PRR11: variants seen among roughly 807,000 people sequenced by gnomAD.
PRR11 encodes proline-rich protein 11.
In PRR11, 30 loss-of-function variants were observed where a neutral mutation model predicts 45.6. The observed-to-expected ratio is 0.66, with a 90% confidence interval of 0.49 to 0.89. The LOEUF (loss-of-function observed/expected upper bound fraction) is 0.89. Ranked by LOEUF, PRR11 falls within the 40% of genes least tolerant of loss-of-function variation. The probability of loss-of-function intolerance (pLI) is 0.00; values close to 1 mark genes in which losing one functional copy is unlikely to be tolerated. For synonymous variants in PRR11, 128 were observed against 153.5 expected (o/e 0.83, Z 1.23); for missense variants, 373 against 424.8 (o/e 0.88, Z 1.07).
At chr17:59,173,954 C>T (rs1464369654) in intron 2 of PRR11, among the ~76,000 whole-genome samples, 5 of 152,152 alleles carry the variant, frequency 3.3e-5, no homozygotes, top group Non-Finnish European at 7.4e-5. Flanking sequence ...TTAAAGGAGG[C>T]GGCTCTCTAG....
chr17:59,204,560 T>C lies in PRR11; in HGVS notation c.*2929T>C, dbSNP rs12449518. The stretch of plus-strand genomic sequence containing the variant: ...CTACCAAAAATAAAAATAAAAATTA[T>C]CCAGGCGTGGTGGCATGTGCCTATA... On this transcript the variant is annotated 3_prime_UTR_variant, in exon 10 of 10. Transcript: ENST00000262293. 28,272 of 151,178 alleles carry C rather than the reference T, an allele frequency of 0.19. 2,709 individuals are homozygous for C. Among genetic ancestry groups the C allele is most frequent in the East Asian group, 0.27 (1,398 of 5,114 alleles). The allele number at this position is 151,178 out of a possible 1,614,324, so 9.4% of individuals were successfully genotyped here.
intron 2 of PRR11, chr17:59,181,536 G>C: frequency 5.9e-6 from 7 of 1,190,026 alleles, no homozygotes; most frequent in Non-Finnish European, 8.4e-6. Context: ...AGTCCTCATG[G>C]TGCTCAGGGA....
chr17:59,186,381 A>ATTTTTTTTTTT (rs59082405), intron 4 of PRR11, among the ~76,000 whole-genome samples: 3 of 84,664 alleles, frequency 3.5e-5, no homozygotes, highest in African/African-American at 8.5e-5. Flanking sequence ...GCTGTTTGTA[A>ATTTTTTTTTTT]TTTTTTTTTT....
At chr17:59,193,797 A>G in intron 5 of PRR11, 63 bp downstream of exon 5, 1 of 1,547,174 alleles carries the variant, frequency 6.5e-7, no homozygotes, top group Non-Finnish European at 8.8e-7. Context: ...ATATAGGAGT[A>G]AAGCCAAGTG....
At chr17:59,174,816 C>T (rs2046733826) in intron 2 of PRR11, among the ~76,000 whole-genome samples, 1 of 152,136 alleles carries the variant, frequency 6.6e-6, no homozygotes, top group Admixed American at 6.6e-5. Context: ...ACACCCAGTG[C>T]TCTGGGTTAT....
intron 9 of PRR11, 141 bp downstream of exon 9, chr17:59,197,930 A>G (rs1232059068): frequency 1.5e-6 from 1 of 688,154 alleles, no homozygotes; most frequent in Non-Finnish European, 2.5e-6. Flanking sequence ...GATGGGCAAC[A>G]TGGTGAAACT....
chr17:59,194,429 G>A (rs759040456), intron 5 of PRR11, among the ~76,000 whole-genome samples: 1 of 152,050 alleles, frequency 6.6e-6, no homozygotes, highest in South Asian at 2.1e-4. Context: ...ACTTTAACCC[G>A]ATTAACTCCT....
intron 4 of PRR11, among the ~76,000 whole-genome samples, chr17:59,187,700 A>G (rs1421940560): frequency 1.4e-4 from 21 of 151,786 alleles, no homozygotes. Context: ...CCCTGTCTCT[A>G]CTAAAAATAC....
At position 59,174,995 on chromosome 17, in the gene PRR11, G is replaced by T. The variant is rs974522324; in HGVS notation, c.128+5115G>T. On this transcript the variant is annotated intron_variant, in intron 2 of 9. Coordinates refer to ENST00000262293, the MANE Select transcript of PRR11 (RefSeq NM_018304.4). Reference sequence around the variant, plus strand: ...ACTCCAGGGAAACCCAAGCCCTCCAGCGCATGGAACGGAAGAACTGGAACC... The same window carrying T: ...ACTCCAGGGAAACCCAAGCCCTCCATCGCATGGAACGGAAGAACTGGAACC... 11 of 750,206 alleles carry T rather than the reference G, an allele frequency of 1.5e-5. No homozygotes were observed. In the African/African-American group the frequency reaches 1.9e-4, roughly 13 times the overall value. The allele number at this position is 750,206 out of a possible 1,614,324, so 46.5% of individuals were successfully genotyped here. A position where few individuals can be genotyped will look rare whatever the true frequency, so the allele number is the denominator to read the frequency against.
chr17:59,171,361 ATTTATT>A (rs1198790975), intron 2 of PRR11, among the ~76,000 whole-genome samples: 1 of 152,214 alleles, frequency 6.6e-6, no homozygotes, highest in African/African-American at 2.4e-5. Context: ...TCAAATAAAA[ATTTATT>A]TTTATAAGAA....
chr17:59,194,613 G>A (rs2046856046), intron 5 of PRR11, 144 bp from the exon 6 acceptor site: 1 of 518,622 alleles, frequency 1.9e-6, no homozygotes, highest in Non-Finnish European at 3.4e-6. Flanking sequence ...GATTATTCTT[G>A]GTTGAGTAGA....
At chr17:59,159,018 C>T (rs2046639205) in intron 1 of PRR11, among the ~76,000 whole-genome samples, 1 of 152,212 alleles carries the variant, frequency 6.6e-6, no homozygotes, top group Non-Finnish European at 1.5e-5. Flanking sequence ...CAGGGTTTCA[C>T]CCTGTTGGTC....
chr17:59,183,432 T>C (rs186090846), intron 2 of PRR11, among the ~76,000 whole-genome samples: 71 of 152,328 alleles, frequency 4.7e-4, no homozygotes, highest in African/African-American at 1.5e-3. Flanking sequence ...CCCAGGAACA[T>C]TGACTTGATG....
chr17:59,165,470 C>T (rs887829035), intron 1 of PRR11, among the ~76,000 whole-genome samples: 2 of 151,938 alleles, frequency 1.3e-5, no homozygotes, highest in African/African-American at 2.4e-5. Context: ...CTGAATAGCT[C>T]GGACTACAGG....
Position 59,194,832 on chromosome 17 carries a change from CAG to C in PRR11, c.724_725del (p.Ser242PhefsTer3). 6.2e-7 allele frequency: 1 copy of C among 1,613,244 alleles called. No homozygotes were observed. ...GCTGACTGTAAAATTAAAGAAGACACAGAGTTTAGATGAAAAGAGGAAGGTAA... is the reference window on the plus strand; with the variant it reads ...GCTGACTGTAAAATTAAAGAAGACACAGTTTAGATGAAAAGAGGAAGGTAA... ...DLLTVKLKKT[Q>X]SLDEKRKLIP... On this transcript the variant is annotated frameshift_variant, in exon 6 of 10. Transcript: ENST00000262293. LOFTEE classifies it high-confidence loss of function.
intron 4 of PRR11, among the ~76,000 whole-genome samples, chr17:59,193,005 C>G (rs1397769303): frequency 6.6e-6 from 1 of 152,194 alleles, no homozygotes; most frequent in African/African-American, 2.4e-5. Flanking sequence ...ATATCACTTC[C>G]CAAGCCTCCA....
At chr17:59,174,986 A>C (rs1877130503) in intron 2 of PRR11, 1 of 783,338 alleles carries the variant, frequency 1.3e-6, no homozygotes, top group Admixed American at 1.9e-5. Context: ...GGGAAACCCA[A>C]GCCCTCCAGC....
At chr17:59,165,498 T>TA (rs1041819984) in intron 1 of PRR11, among the ~76,000 whole-genome samples, 11 of 151,014 alleles carry the variant, frequency 7.3e-5, no homozygotes, top group East Asian at 3.9e-4. Context: ...TGTTTTAAAT[T>TA]AAAAAAAATC....
rs141636588 is a variant in PRR11 at position 59,159,118 on chromosome 17, C to G, written c.-6+3313C>G. On this transcript the variant is annotated intron_variant, in intron 1 of 9. Transcript: ENST00000262293. Reference sequence around the variant, plus strand: ...TACAGGTGTGAGCCACCGCACCCAGCCTCCCACACCCTCTTTTTTTATAAC... The same window carrying G: ...TACAGGTGTGAGCCACCGCACCCAGGCTCCCACACCCTCTTTTTTTATAAC... Among the ~76,000 whole-genome samples the G allele has an allele frequency of 1.8e-3, 274 of 152,250 alleles. 2 individuals carry two copies. Among genetic ancestry groups the G allele is most frequent in the African/African-American group, 6.3e-3 (262 of 41,518 alleles).
Sources: gnomAD v4.1 joint callset for allele counts (sites outside exome capture counted in the v4.1 genomes callset) on GRCh38, gnomAD v4.1.1 for gene constraint, MANE v1.5 for transcripts, NCBI Gene and HGNC (gene_info 2026-07-23, HGNC 2026-07-21) for gene names.